Variants in AGAP1 observed in about 807,000 individuals in gnomAD.
AGAP1 encodes the protein arf-GAP with GTPase, ANK repeat and PH domain-containing protein 1.
In AGAP1, 29 loss-of-function variants were observed where a neutral mutation model predicts 105.3. The observed-to-expected ratio is 0.28, with a 90% CI of 0.21 to 0.38. The LOEUF (loss-of-function observed/expected upper bound fraction) is 0.38. Among genes scored for constraint, AGAP1 ranks in the 10% least tolerant of loss-of-function variants. AGAP1 has a pLI of 1.00. For missense variants in AGAP1, 998 were observed against 1,165.1 expected, an observed-to-expected ratio of 0.86 and a Z score of 2.09; for synonymous variants, 509 against 485.9, an observed-to-expected ratio of 1.05 and a Z score of -0.63.
rs2059194573 is a variant in AGAP1, at chr2:236,096,498, C to T, written c.2115-23694C>T. 1.3e-5 allele frequency among the ~76,000 whole-genome samples: 2 copies of T among 148,262 alleles called. No homozygotes were observed. The highest frequency in any genetic ancestry group is 4.3e-4 in the South Asian group (2 of 4,674). ...CCTTGGGGACAGAGTGAGCCTCCAT[C>T]TCAAAAAAAAAAAAGCTTCTGGAAT... On this transcript the variant is annotated intron_variant, in intron 16 of 17. Coordinates refer to ENST00000304032, the MANE Select transcript of AGAP1 (RefSeq NM_001037131.3). The surrounding 1 kb of genome is among the most constrained non-coding windows in gnomAD (Gnocchi z 4.4).
rs559894308 is a variant in AGAP1 at position 236,042,835 on chromosome 2, C to G, written c.1891+1994C>G. 1.5e-4 allele frequency among the ~76,000 whole-genome samples: 23 copies of G among 152,250 alleles called. No homozygotes were observed. The highest frequency in any genetic ancestry group is 2.9e-4 in the Non-Finnish European group (20 of 68,010). ...AGTTTGACAATTCAGGAGAAAGAGG[C>G]GATACCAAGCACGCATTTGCTAAAT... is the stretch of plus-strand genomic sequence containing the variant. On this transcript the variant is annotated intron_variant, in intron 15 of 17. Coordinates refer to ENST00000304032, the MANE Select transcript of AGAP1 (RefSeq NM_001037131.3). The surrounding 1 kb of genome is among the most constrained non-coding windows in gnomAD (Gnocchi z 5.6).
Position 235,726,038 on chromosome 2 carries a change from G to A in AGAP1, c.310+8394G>A, listed in dbSNP as rs140352987. Among the ~76,000 whole-genome samples, 5 of 152,324 alleles carry A rather than the reference G, an allele frequency of 3.3e-5. No homozygotes were observed. The East Asian group carries it at 7.7e-4, about 24-fold the overall frequency. On this transcript the variant is annotated intron_variant, in intron 3 of 17. Transcript: ENST00000304032. The stretch of plus-strand genomic sequence containing the variant: ...GACAAAGTGTGTTTTTGAGTTGGCT[G>A]TATGGAACTCAGAATGTATTGTCCC...
rs559776864 is a variant in AGAP1, at chr2:235,877,908, A to G, written c.1051-5437A>G. ...ACTTAAAATTTGTCCTCGCCAGGGG[A>G]ATCTTTCCTAATGCAAATCAGATAA... On this transcript the variant is annotated intron_variant, in intron 9 of 17. Coordinates refer to ENST00000304032, the MANE Select transcript of AGAP1 (RefSeq NM_001037131.3). The surrounding 1 kb of genome is among the most constrained non-coding windows in gnomAD (Gnocchi z 4.3). Among the ~76,000 whole-genome samples, 302 of 152,246 alleles carry G rather than the reference A, an allele frequency of 2.0e-3. 1 individual carries two copies. The highest frequency in any genetic ancestry group is 3.3e-3 in the Non-Finnish European group (223 of 68,020).
chr2:235,707,587 A>G (rs11677564), intron 1 of AGAP1, among the ~76,000 whole-genome samples: 1 of 101,606 alleles, frequency 9.8e-6, no homozygotes, highest in African/African-American at 3.8e-5. Context: ...AGCGTGTGAC[A>G]TGGTGGGTTG....
At chr2:235,617,602 C>T (rs930742023) in intron 1 of AGAP1, among the ~76,000 whole-genome samples, 7 of 152,042 alleles carry the variant, frequency 4.6e-5, no homozygotes, top group East Asian at 1.9e-4. Flanking sequence ...CTCAGGAGGC[C>T]GAGGCAGGAG....
intron 1 of AGAP1, among the ~76,000 whole-genome samples, chr2:235,616,369 A>G (rs1946308071): frequency 6.6e-6 from 1 of 152,176 alleles, no homozygotes; most frequent in South Asian, 2.1e-4. Flanking sequence ...CAAAAAAAAA[A>G]AAAAGGTGAC....
rs1041512722 is a variant in AGAP1 at position 236,078,716 on chromosome 2, A to C, written c.2114+29435A>C. ...CCTGGCTCCTGTGGCTGGGTGCTAG[A>C]TGGGACCATGGGACCCAAGTCCACC... On this transcript the variant is annotated intron_variant, in intron 16 of 17. Transcript: ENST00000304032. The surrounding 1 kb of genome is among the most constrained non-coding windows in gnomAD (Gnocchi z 5.3). Among the ~76,000 whole-genome samples the C allele has an allele frequency of 2.6e-5, 4 of 152,098 alleles. No individual in the cohort carries two copies. The highest frequency in any genetic ancestry group is 9.7e-5 in the African/African-American group (4 of 41,416).
intron 1 of AGAP1, among the ~76,000 whole-genome samples, chr2:235,606,167 T>C (rs1456412973): frequency 6.6e-6 from 1 of 152,248 alleles, no homozygotes; most frequent in African/African-American, 2.4e-5. Flanking sequence ...GCATCTGCTC[T>C]GGCCAGTGGC....
chr2:235,822,830 G>C (rs1958869005), intron 9 of AGAP1, among the ~76,000 whole-genome samples: 1 of 152,188 alleles, frequency 6.6e-6, no homozygotes, highest in Non-Finnish European at 1.5e-5. Context: ...TGAACAAGAG[G>C]GGCTTCCTGG....
intron 1 of AGAP1, among the ~76,000 whole-genome samples, chr2:235,634,973 C>T (rs1480590563): frequency 6.6e-6 from 1 of 151,798 alleles, no homozygotes; most frequent in South Asian, 2.1e-4. Flanking sequence ...AGCCTCCCCC[C>T]CGCTGTAGAC....
At chr2:235,954,229 ACT>A (rs1389841194) in intron 12 of AGAP1, among the ~76,000 whole-genome samples, 1 of 126,190 alleles carries the variant, frequency 7.9e-6, no homozygotes, top group Non-Finnish European at 1.6e-5. Flanking sequence ...TAAGAGTGAA[ACT>A]CTGCCTCCAA....
At chr2:235,715,473 G>A (rs996376502) in intron 2 of AGAP1, among the ~76,000 whole-genome samples, 5 of 152,154 alleles carry the variant, frequency 3.3e-5, no homozygotes, top group African/African-American at 1.2e-4. Flanking sequence ...TGAAAGGGGA[G>A]GGGTGCTCAG....
intron 1 of AGAP1, among the ~76,000 whole-genome samples, chr2:235,575,840 A>C (rs13385267): frequency 0.089 from 13,509 of 151,990 alleles, 1,685 homozygotes; most frequent in East Asian, 0.33. Context: ...CCACCTCTTT[A>C]CTGAGATTGG....
chr2:235,912,918 G>T (rs764310906), intron 11 of AGAP1, among the ~76,000 whole-genome samples: 9 of 152,148 alleles, frequency 5.9e-5, no homozygotes, highest in Non-Finnish European at 1.3e-4. Flanking sequence ...AGGTGTATGT[G>T]TTTCTTACGT....
intron 9 of AGAP1, among the ~76,000 whole-genome samples, chr2:235,859,463 A>G (rs2048834023): frequency 7.4e-6 from 1 of 134,676 alleles, no homozygotes; most frequent in African/African-American, 2.8e-5. Context: ...AAAACGACAC[A>G]CTATTTTGGA....
chr2:235,714,999 G>A lies in AGAP1; in HGVS notation c.223-2558G>A, dbSNP rs1042792180. Among the ~76,000 whole-genome samples, 18 of 152,036 alleles carry A rather than the reference G, an allele frequency of 1.2e-4. No individual in the cohort carries two copies. The highest frequency in any genetic ancestry group is 2.2e-4 in the Non-Finnish European group (15 of 67,998). On this transcript the variant is annotated intron_variant, in intron 2 of 17. Transcript: ENST00000304032. This position sits in a 1 kb window ranked among gnomAD's most constrained non-coding sequence, Gnocchi z 4.1. ...GTTTTAGTAGAGATGGGATTTCACC[G>A]TGTTAGCCAGGATGGTCTCGATCTC...
Position 235,977,531 on chromosome 2 carries a change from G to A in AGAP1, c.1645+8908G>A, listed in dbSNP as rs1559717229. On this transcript the variant is annotated intron_variant, in intron 13 of 17. Coordinates refer to ENST00000304032, the MANE Select transcript of AGAP1 (RefSeq NM_001037131.3). This position sits in a 1 kb window ranked among gnomAD's most constrained non-coding sequence, Gnocchi z 5.2. ...TATGAGAGGTCCGCATCTCATGCACGAGGGTGTTTTTCTCGGCCTCTGCAG... is the reference window on the plus strand; with the variant it reads ...TATGAGAGGTCCGCATCTCATGCACAAGGGTGTTTTTCTCGGCCTCTGCAG... Among the ~76,000 whole-genome samples the A allele has an allele frequency of 1.3e-5, 2 of 152,154 alleles. No individual in the cohort carries two copies. Among genetic ancestry groups the A allele is most frequent in the Non-Finnish European group, 2.9e-5 (2 of 68,038 alleles).
rs900238543 is a variant in AGAP1 at position 235,845,049 on chromosome 2, G to C, written c.1050+37718G>C. 1.3e-5 allele frequency among the ~76,000 whole-genome samples: 2 copies of C among 152,124 alleles called. No individual in the cohort carries two copies. The highest frequency in any genetic ancestry group is 4.8e-5 in the African/African-American group (2 of 41,418). On this transcript the variant is annotated intron_variant, in intron 9 of 17. Coordinates refer to ENST00000304032, the MANE Select transcript of AGAP1 (RefSeq NM_001037131.3). The surrounding 1 kb of genome is among the most constrained non-coding windows in gnomAD (Gnocchi z 4.8). ...TAGTGGGGTCCCGGCCCAGCAGTGG[G>C]GCTCCACATGGCTGAATTGAACAGT... is the stretch of plus-strand genomic sequence containing the variant.
chr2:236,074,276 G>A (rs1362964069), intron 16 of AGAP1, among the ~76,000 whole-genome samples: 3 of 152,146 alleles, frequency 2.0e-5, no homozygotes, highest in African/African-American at 4.8e-5. Context: ...GAAGACCCCC[G>A]GGGAGCCCCT....
Sources: allele counts gnomAD v4.1 joint callset (sites outside exome capture counted in the v4.1 genomes callset), GRCh38; gene constraint gnomAD v4.1.1; non-coding constraint Gnocchi (gnomAD v3.1); transcripts MANE v1.5; gene names NCBI Gene and HGNC (gene_info 2026-07-23, HGNC 2026-07-21).